Variants in PTPN14 observed in about 807,000 individuals in gnomAD.
The protein encoded by PTPN14 is tyrosine-protein phosphatase non-receptor type 14.
A neutral mutation model predicts 126.8 loss-of-function variants in PTPN14; 53 were observed. The ratio of observed to expected loss-of-function variants is 0.42; its 90% CI spans 0.34 to 0.53. PTPN14 has a LOEUF of 0.53. Among genes scored for constraint, PTPN14 ranks in the 20% least tolerant of loss-of-function variants. The pLI is 0.08. For synonymous variants in PTPN14, 630 were observed against 599.3 expected, an observed-to-expected ratio of 1.05 and a Z score of -0.75; for missense variants, 1,257 against 1,552.9, an observed-to-expected ratio of 0.81 and a Z score of 3.20.
intron 14 of PTPN14, among the ~76,000 whole-genome samples, chr1:214,376,795 T>TGGTC (rs1658352865): frequency 6.6e-6 from 1 of 152,240 alleles, no homozygotes; most frequent in Admixed American, 6.5e-5. Context: ...AAGATGATAC[T>TGGTC]GGTCCACAGT....
intron 8 of PTPN14, among the ~76,000 whole-genome samples, chr1:214,396,831 A>G (rs892860096): frequency 6.6e-6 from 1 of 152,246 alleles, no homozygotes; most frequent in Non-Finnish European, 1.5e-5. Flanking sequence ...AAGAACTGGT[A>G]GGACTCAATG....
intron 3 of PTPN14, 37 bp from the exon 4 acceptor site, chr1:214,414,763 A>C: frequency 6.6e-7 from 1 of 1,512,232 alleles, no homozygotes; most frequent in East Asian, 2.3e-5. Context: ...AACCTTAAAA[A>C]CACATACTTG....
intron 1 of PTPN14, among the ~76,000 whole-genome samples, chr1:214,522,372 A>T (rs1247407965): frequency 6.6e-6 from 1 of 152,238 alleles, no homozygotes; most frequent in East Asian, 1.9e-4. Flanking sequence ...ATCACTACCA[A>T]AGTAAGCTTT....
intron 2 of PTPN14, among the ~76,000 whole-genome samples, chr1:214,457,891 A>G (rs1472365710): frequency 6.6e-6 from 1 of 152,204 alleles, no homozygotes; most frequent in Non-Finnish European, 1.5e-5. Flanking sequence ...TTCCATAACC[A>G]CATGTGGCTA....
intron 3 of PTPN14, among the ~76,000 whole-genome samples, chr1:214,433,334 G>T (rs1233075503): frequency 1.3e-5 from 2 of 151,978 alleles, no homozygotes; most frequent in South Asian, 4.1e-4. Context: ...GGAGCTTGAA[G>T]AAACTGGCAG....
intron 1 of PTPN14, among the ~76,000 whole-genome samples, chr1:214,512,219 T>C (rs1053181376): frequency 2.6e-5 from 4 of 152,144 alleles, no homozygotes; most frequent in African/African-American, 9.7e-5. Flanking sequence ...CCCCACAGCC[T>C]ACCAGATTTA....
Position 214,520,065 on chromosome 1 carries a change from A to AAAAAAAAAT in PTPN14, c.-155+31117_-155+31118insATTTTTTTT. ...CCTGTCTCAAAAAAAAAAAAAAAAA[A>AAAAAAAAAT]ATATATATATATATATATGCAGAAT... is the stretch of plus-strand genomic sequence containing the variant. On this transcript the variant is annotated intron_variant, in intron 1 of 18. Transcript: ENST00000366956. Among the ~76,000 whole-genome samples, 8 of 71,110 alleles carry AAAAAAAAAT rather than the reference A, an allele frequency of 1.1e-4. No homozygotes were observed. In the East Asian group the frequency reaches 1.4e-3, roughly 13 times the overall value. The allele number at this position is 71,110 out of a possible 152,430, so 46.7% of individuals were successfully genotyped here. A position where few individuals can be genotyped will look rare whatever the true frequency, so the allele number is the denominator to read the frequency against.
rs184954306 is a variant in PTPN14 at position 214,436,316 on chromosome 1, G to T, written c.344+15489C>A. Reference sequence around the variant, plus strand: ...GTGCTATGCTTATTGCCCGGGTGATGAAATAATCTGTACACTAAACTCCCG... The same window carrying T: ...GTGCTATGCTTATTGCCCGGGTGATTAAATAATCTGTACACTAAACTCCCG... On this transcript the variant is annotated intron_variant, in intron 3 of 18. Transcript: ENST00000366956. Among the ~76,000 whole-genome samples, 338 of 152,196 alleles carry T rather than the reference G, an allele frequency of 2.2e-3. 1 individual carries two copies. Among genetic ancestry groups the T allele is most frequent in the African/African-American group, 7.9e-3 (326 of 41,524 alleles).
chr1:214,414,465 A>C (rs1017081826), intron 4 of PTPN14, among the ~76,000 whole-genome samples, 164 bp downstream of exon 4: 1 of 152,254 alleles, frequency 6.6e-6, no homozygotes, highest in Non-Finnish European at 1.5e-5. Context: ...CCCAGCCACC[A>C]AAAATCACTA....
rs1173398601 is a variant in PTPN14, at chr1:214,374,602, C to T, written c.2907+1617G>A. ...CAAATAAATCTCTGTTCTGTGTTAA[C>T]GGCTGCTTGGAACCCAGGGGGGAAA... On this transcript the variant is annotated intron_variant, in intron 15 of 18. Coordinates refer to ENST00000366956, the MANE Select transcript of PTPN14 (RefSeq NM_005401.5). 2.0e-5 allele frequency among the ~76,000 whole-genome samples: 3 copies of T among 152,188 alleles called. No homozygotes were observed. In the South Asian group the frequency reaches 6.2e-4, roughly 31 times the overall value.
chr1:214,417,722 G>C (rs768547589), intron 3 of PTPN14, among the ~76,000 whole-genome samples: 4 of 152,112 alleles, frequency 2.6e-5, no homozygotes, highest in Admixed American at 6.6e-5. Context: ...AGGTCCGTGT[G>C]GTGTTCTGAA....
intron 1 of PTPN14, among the ~76,000 whole-genome samples, chr1:214,476,985 A>G (rs1027977743): frequency 2.0e-5 from 3 of 152,222 alleles, no homozygotes; most frequent in Non-Finnish European, 4.4e-5. Flanking sequence ...CAACAAGCCA[A>G]TTGTTACAGA....
intron 1 of PTPN14, among the ~76,000 whole-genome samples, chr1:214,502,684 G>A (rs536119468): frequency 2.0e-5 from 3 of 151,988 alleles, no homozygotes; most frequent in African/African-American, 7.3e-5. Flanking sequence ...GCATTTAAAC[G>A]TTACGAAAAA....
At chr1:214,526,956 T>C (rs933255039) in intron 1 of PTPN14, among the ~76,000 whole-genome samples, 1 of 152,138 alleles carries the variant, frequency 6.6e-6, no homozygotes, top group Non-Finnish European at 1.5e-5. Flanking sequence ...CTGGGCATGG[T>C]GGCACATGCC....
chr1:214,529,423 A>G (rs1000683722), intron 1 of PTPN14: 9 of 152,258 alleles, frequency 5.9e-5, no homozygotes, highest in Non-Finnish European at 8.8e-5. Context: ...AGCAGAGTGA[A>G]GGAGAAAAGA....
chr1:214,369,048 T>C (rs1658152684), intron 17 of PTPN14, among the ~76,000 whole-genome samples: 2 of 152,220 alleles, frequency 1.3e-5, no homozygotes, highest in African/African-American at 2.4e-5. Flanking sequence ...ACCTACTTTC[T>C]GTCTCTGACC....
chr1:214,517,088 T>C (rs574369362), intron 1 of PTPN14, among the ~76,000 whole-genome samples: 8 of 152,286 alleles, frequency 5.3e-5, no homozygotes, highest in African/African-American at 1.9e-4. Flanking sequence ...CTGTCACCTG[T>C]CATCCAGGCA....
chr1:214,447,008 A>G lies in PTPN14; in HGVS notation c.344+4797T>C, dbSNP rs535673343. On this transcript the variant is annotated intron_variant, in intron 3 of 18. Transcript: ENST00000366956. ...TATTTCTAATCTATGCAAATATCTT[A>G]CTCTGCAGGGCATCACAAAGACTAA... 2.7e-4 allele frequency among the ~76,000 whole-genome samples: 41 copies of G among 152,278 alleles called. 1 individual carries two copies. In the South Asian group the frequency reaches 5.0e-3, roughly 18 times the overall value.
intron 1 of PTPN14, among the ~76,000 whole-genome samples, chr1:214,550,739 T>C (rs1571666115): frequency 1.3e-5 from 2 of 151,916 alleles, no homozygotes; most frequent in East Asian, 3.9e-4. Flanking sequence ...TCCTTCCCGG[T>C]GGTGGTGGGG....
Sources: allele counts gnomAD v4.1 joint callset (sites outside exome capture counted in the v4.1 genomes callset), GRCh38; gene constraint gnomAD v4.1.1; transcripts MANE v1.5; gene names NCBI Gene and HGNC (gene_info 2026-07-23, HGNC 2026-07-21).